Variants in WDR7 observed in about 807,000 individuals in gnomAD.
WDR7 encodes the protein WD repeat-containing protein 7.
WDR7 carries 46 observed loss-of-function variants against 169.4 expected under a neutral mutation model. That is an observed-to-expected ratio of 0.27 (90% CI 0.21 to 0.35). The LOEUF is 0.35. WDR7 is among the 10% of genes least tolerant of loss of function. WDR7 has a pLI of 1.00. For synonymous variants in WDR7, 612 were observed against 666.8 expected (o/e 0.92, Z 1.27); for missense variants, 1,534 against 1,859.3 (o/e 0.83, Z 3.22).
chr18:56,943,885 G>A (rs923026318), intron 25 of WDR7, among the ~76,000 whole-genome samples: 4 of 151,046 alleles, frequency 2.6e-5, no homozygotes, highest in African/African-American at 4.9e-5. Flanking sequence ...ATAGAATGCT[G>A]AATAATCCTG....
chr18:56,804,670 G>C (rs1191789296), intron 19 of WDR7, among the ~76,000 whole-genome samples: 1 of 152,170 alleles, frequency 6.6e-6, no homozygotes, highest in East Asian at 1.9e-4. Flanking sequence ...CTTTATAACA[G>C]TGGTCCGCTG....
intron 16 of WDR7, among the ~76,000 whole-genome samples, chr18:56,765,814 C>T (rs1325304046): frequency 2.0e-5 from 3 of 151,716 alleles, no homozygotes; most frequent in South Asian, 4.2e-4. Flanking sequence ...ATCTATCTAT[C>T]TATTTATTTA....
At chr18:56,887,410 A>G (rs55677547) in intron 21 of WDR7, among the ~76,000 whole-genome samples, 1 of 152,318 alleles carries the variant, frequency 6.6e-6, no homozygotes, top group African/African-American at 2.4e-5. Context: ...TTTTGAATAA[A>G]GGACTAGATA....
chr18:56,717,378 T>A (rs1186386897), intron 12 of WDR7, among the ~76,000 whole-genome samples: 1 of 152,208 alleles, frequency 6.6e-6, no homozygotes, highest in African/African-American at 2.4e-5. Context: ...GGCTATTGTG[T>A]GGCTACTTGA....
chr18:56,869,704 A>C (rs9957639), intron 20 of WDR7, among the ~76,000 whole-genome samples: 7,227 of 152,260 alleles, frequency 0.047, 613 homozygotes, highest in African/African-American at 0.17. Flanking sequence ...TAGGAGGCAA[A>C]GAAGAAGACA....
intron 12 of WDR7, among the ~76,000 whole-genome samples, chr18:56,707,601 T>A (rs1168583971): frequency 2.0e-5 from 3 of 152,092 alleles, no homozygotes; most frequent in Non-Finnish European, 4.4e-5. Context: ...CCAAACTGGG[T>A]CATGTTTTTC....
chr18:56,912,639 C>T (rs747614831), intron 21 of WDR7, among the ~76,000 whole-genome samples: 25 of 152,160 alleles, frequency 1.6e-4, no homozygotes, highest in Admixed American at 1.5e-3. Context: ...ATTCTCAGCC[C>T]TTGTCTCAGG....
intron 1 of WDR7, among the ~76,000 whole-genome samples, chr18:56,665,454 C>T (rs1206574426): frequency 1.3e-5 from 2 of 150,834 alleles, no homozygotes; most frequent in African/African-American, 4.9e-5. Context: ...CTACTCAGCC[C>T]AGTCTCCTCT....
intron 26 of WDR7, among the ~76,000 whole-genome samples, chr18:57,016,732 A>G (rs1013187663): frequency 1.3e-5 from 2 of 152,200 alleles, no homozygotes; most frequent in Non-Finnish European, 2.9e-5. Flanking sequence ...AGTATTGTTC[A>G]TTATTCTGCT....
At chr18:56,888,466 C>T (rs2046226123) in intron 21 of WDR7, among the ~76,000 whole-genome samples, 1 of 152,174 alleles carries the variant, frequency 6.6e-6, no homozygotes, top group South Asian at 2.1e-4. Flanking sequence ...GTCTTCTGCT[C>T]CTGAAGGGAA....
chr18:56,905,938 CAT>C (rs1257756151), intron 21 of WDR7, among the ~76,000 whole-genome samples: 3 of 152,116 alleles, frequency 2.0e-5, no homozygotes, highest in Admixed American at 6.5e-5. Context: ...ATTTTATACA[CAT>C]GTACCTCAGC....
At chr18:56,775,158 C>T (rs1001625254) in intron 16 of WDR7, among the ~76,000 whole-genome samples, 1 of 152,008 alleles carries the variant, frequency 6.6e-6, no homozygotes, top group Non-Finnish European at 1.5e-5. Context: ...TATTGAATTT[C>T]CTCACCCTCT....
intron 16 of WDR7, among the ~76,000 whole-genome samples, chr18:56,766,806 C>A (rs1443245121): frequency 6.6e-6 from 1 of 152,122 alleles, no homozygotes; most frequent in African/African-American, 2.4e-5. Flanking sequence ...ACATGGATTG[C>A]AGTTATAATA....
intron 14 of WDR7, among the ~76,000 whole-genome samples, chr18:56,732,296 T>A (rs1352068671): frequency 6.6e-6 from 1 of 152,326 alleles, no homozygotes; most frequent in South Asian, 2.1e-4. Flanking sequence ...AGTTTGTCTC[T>A]AGTAATGGAT....
rs142072021 is a variant in WDR7 at position 56,673,474 on chromosome 18, C to T, written c.159+800C>T. 2.2e-4 allele frequency among the ~76,000 whole-genome samples: 33 copies of T among 152,172 alleles called. No individual in the cohort carries two copies. The East Asian group carries it at 5.4e-3, about 25-fold the overall frequency. On this transcript the variant is annotated intron_variant, in intron 2 of 27. Transcript: ENST00000254442. ...TTCTTAGTACGTTCATAAAGTTGCG[C>T]GGCCATTACCAAGGTCAATTTTAGA... is the stretch of plus-strand genomic sequence containing the variant.
chr18:56,689,538 G>A lies in WDR7; in HGVS notation c.718-1678G>A, dbSNP rs567717934. Among the ~76,000 whole-genome samples the A allele has an allele frequency of 2.6e-5, 4 of 152,326 alleles. No homozygotes were observed. The South Asian group carries it at 8.3e-4, about 32-fold the overall frequency. ...GCCTCCCAAAGGGCTGGGATTATAGGCATGAGCCACCGTGCCTGGCCTATA... is the reference window on the plus strand; with the variant it reads ...GCCTCCCAAAGGGCTGGGATTATAGACATGAGCCACCGTGCCTGGCCTATA... On this transcript the variant is annotated intron_variant, in intron 7 of 27. Coordinates refer to ENST00000254442, the MANE Select transcript of WDR7 (RefSeq NM_015285.3).
intron 20 of WDR7, among the ~76,000 whole-genome samples, chr18:56,839,806 T>C (rs1046483414): frequency 1.3e-5 from 2 of 152,168 alleles, no homozygotes; most frequent in Non-Finnish European, 2.9e-5. Context: ...CTCACGCCTG[T>C]AATCCCAGCA....
At chr18:56,836,506 A>T (rs2045399181) in intron 20 of WDR7, among the ~76,000 whole-genome samples, 1 of 152,238 alleles carries the variant, frequency 6.6e-6, no homozygotes, top group Admixed American at 6.5e-5. Context: ...CTACTTTTTG[A>T]ATAGCCATCA....
intron 19 of WDR7, among the ~76,000 whole-genome samples, chr18:56,812,284 TATAGAA>T (rs2044882676): frequency 6.6e-6 from 1 of 152,244 alleles, no homozygotes. Context: ...ATTACTAACA[TATAGAA>T]ATAGAATCGA....
Sources: allele counts gnomAD v4.1 joint callset (sites outside exome capture counted in the v4.1 genomes callset), GRCh38; gene constraint gnomAD v4.1.1; transcripts MANE v1.5; gene names NCBI Gene and HGNC (gene_info 2026-07-23, HGNC 2026-07-21).